ABCG1: variants seen among roughly 807,000 people sequenced by gnomAD.
ABCG1 encodes the protein ATP binding cassette subfamily G member 1.
Under a neutral mutation model 69.2 loss-of-function variants are expected in ABCG1, and 29 were observed. The ratio of observed to expected loss-of-function variants is 0.42; its 90% CI spans 0.31 to 0.57. ABCG1 has a LOEUF of 0.57. Ranked by LOEUF, ABCG1 falls within the 20% of genes least tolerant of loss-of-function variation. The pLI is 0.15. For missense variants in ABCG1, 718 were observed against 898.1 expected, an observed-to-expected ratio of 0.80 and a Z score of 2.56; for synonymous variants, 370 against 374.8, an observed-to-expected ratio of 0.99 and a Z score of 0.15.
intron 10 of ABCG1, among the ~76,000 whole-genome samples, chr21:42,289,500 C>CG: frequency 6.6e-6 from 1 of 152,038 alleles, no homozygotes; most frequent in East Asian, 1.9e-4. Context: ...AGGATTGGGA[C>CG]GGGGGGTTGG....
intron 5 of ABCG1, among the ~76,000 whole-genome samples, chr21:42,278,888 C>T (rs1391321160): frequency 1.3e-5 from 2 of 152,008 alleles, no homozygotes; most frequent in East Asian, 1.9e-4. Flanking sequence ...AGTTTTGCCA[C>T]CCCCCAGTCC....
Position 42,219,975 on chromosome 21 carries a change from C to T in ABCG1, c.42+671C>T, listed in dbSNP as rs1459167327. The T allele has an allele frequency of 2.6e-6, 4 of 1,552,438 alleles. No individual in the cohort carries two copies. The highest frequency in any genetic ancestry group is 2.0e-5 in the Admixed American group (1 of 51,182). On this transcript the variant is annotated intron_variant, in intron 1 of 14. Coordinates refer to ENST00000398449, the MANE Select transcript of ABCG1 (RefSeq NM_016818.3). The surrounding 1 kb of genome is among the most constrained non-coding windows in gnomAD (Gnocchi z 5.3). ...GAGAGACGCGGTGGGGACAGGGATG[C>T]GCATTTCACTTCCCCGAGCTCCGGA...
intron 2 of ABCG1, among the ~76,000 whole-genome samples, chr21:42,245,163 A>C (rs1371886712): frequency 6.6e-6 from 1 of 152,098 alleles, no homozygotes; most frequent in African/African-American, 2.4e-5. Flanking sequence ...GACACCCCAC[A>C]CTTTGTACCA....
At chr21:42,225,552 C>G in intron 1 of ABCG1, 119 bp from the exon 2 acceptor site, 1 of 1,275,446 alleles carries the variant, frequency 7.8e-7, no homozygotes, top group East Asian at 2.3e-5. Context: ...GGTGCTCCTG[C>G]AGTGGAAGAA....
chr21:42,250,257 G>T (rs11702801), intron 2 of ABCG1, among the ~76,000 whole-genome samples: 5 of 152,136 alleles, frequency 3.3e-5, no homozygotes, highest in Admixed American at 2.6e-4. Flanking sequence ...TTGAAGCCAT[G>T]TTCCCAGGGG....
chr21:42,275,195 C>T (rs1314690896), intron 4 of ABCG1, among the ~76,000 whole-genome samples: 1 of 152,202 alleles, frequency 6.6e-6, no homozygotes, highest in African/African-American at 2.4e-5. Flanking sequence ...CGTTTGCAGA[C>T]ACATGATCTG....
rs917413188 is a variant in ABCG1 at position 42,287,171 on chromosome 21, T to G, written c.974-718T>G. Among the ~76,000 whole-genome samples the G allele has an allele frequency of 6.6e-6, 1 of 150,568 alleles. No homozygotes were observed. Among genetic ancestry groups the G allele is most frequent in the Non-Finnish European group, 1.5e-5 (1 of 67,546 alleles). ...ACAGAGGCAGGAGAGGGCAGAGGGG[T>G]TGGGAGAAAGCAGATGTAGGCAGAG... On this transcript the variant is annotated intron_variant, in intron 8 of 14. Transcript: ENST00000398449. This position sits in a 1 kb window ranked among gnomAD's most constrained non-coding sequence, Gnocchi z 6.2.
chr21:42,278,958 C>T (rs225405), intron 5 of ABCG1, among the ~76,000 whole-genome samples: 47,103 of 151,726 alleles, frequency 0.31, 7,585 homozygotes, highest in Middle Eastern at 0.37. Flanking sequence ...GTGTGCAGGG[C>T]CCCCATGAAG....
chr21:42,286,173 T>G, intron 8 of ABCG1, 179 bp downstream of exon 8: 15 of 562,886 alleles, frequency 2.7e-5, no homozygotes, highest in Admixed American at 3.1e-5. Flanking sequence ...CTCTAGACTC[T>G]AGGTAAAATC....
chr21:42,290,577 T>C (rs942334222), intron 11 of ABCG1, among the ~76,000 whole-genome samples: 4 of 152,212 alleles, frequency 2.6e-5, no homozygotes, highest in Admixed American at 6.5e-5. Flanking sequence ...CGGGAGCAGA[T>C]AAGCTCTCTT....
chr21:42,268,388 T>TGCACGC (rs2068554853), intron 2 of ABCG1, among the ~76,000 whole-genome samples: 1 of 110,106 alleles, frequency 9.1e-6, no homozygotes, highest in African/African-American at 3.0e-5. Flanking sequence ...TGTGTGTGTG[T>TGCACGC]GCGCGCGCGC....
At chr21:42,263,670 G>A (rs2068451388) in intron 2 of ABCG1, among the ~76,000 whole-genome samples, 1 of 152,200 alleles carries the variant, frequency 6.6e-6, no homozygotes, top group African/African-American at 2.4e-5. Flanking sequence ...ACTTGGGGAG[G>A]GGTTTGTGCT....
intron 2 of ABCG1, among the ~76,000 whole-genome samples, chr21:42,226,948 C>T (rs1021935868): frequency 2.0e-5 from 3 of 152,186 alleles, no homozygotes; most frequent in Admixed American, 6.5e-5. Context: ...TCAAGACTCA[C>T]GTTTTAAATT....
intron 2 of ABCG1, among the ~76,000 whole-genome samples, chr21:42,269,730 C>T (rs550931025): frequency 2.6e-5 from 4 of 152,312 alleles, no homozygotes; most frequent in South Asian, 2.1e-4. Flanking sequence ...TGGCATTTTC[C>T]GGTGTCCTAT....
chr21:42,279,013 A>G (rs2068758669), intron 5 of ABCG1, among the ~76,000 whole-genome samples: 2 of 152,014 alleles, frequency 1.3e-5, no homozygotes, highest in Non-Finnish European at 2.9e-5. Flanking sequence ...CTCCTCCCGA[A>G]GCCTGGATGC....
chr21:42,230,928 G>C (rs1246755323), intron 2 of ABCG1, among the ~76,000 whole-genome samples: 1 of 152,246 alleles, frequency 6.6e-6, no homozygotes, highest in Non-Finnish European at 1.5e-5. Flanking sequence ...AACCAGGTCT[G>C]TGGGATTTCA....
intron 1 of ABCG1, chr21:42,201,480 C>A: frequency 1.3e-6 from 1 of 764,482 alleles, no homozygotes; most frequent in Non-Finnish European, 2.0e-6. Flanking sequence ...TGGTCTGCAG[C>A]CCAGGGGTTG....
intron 1 of ABCG1, among the ~76,000 whole-genome samples, chr21:42,200,166 G>A (rs1377061716): frequency 6.6e-6 from 1 of 152,224 alleles, no homozygotes; most frequent in Non-Finnish European, 1.5e-5. Flanking sequence ...CTGTGATGGT[G>A]TGTGCAGGGG....
chr21:42,285,835 G>C, intron 7 of ABCG1, 45 bp from the exon 8 acceptor site: 1 of 1,371,252 alleles, frequency 7.3e-7, no homozygotes, highest in African/African-American at 1.4e-5. Context: ...GTTGCCTTCC[G>C]AGGAAGGCAG....
Sources: gnomAD v4.1 joint callset for allele counts (sites outside exome capture counted in the v4.1 genomes callset) on GRCh38, gnomAD v4.1.1 for gene constraint, Gnocchi (gnomAD v3.1) non-coding constraint, MANE v1.5 for transcripts, NCBI Gene and HGNC (gene_info 2026-07-23, HGNC 2026-07-21) for gene names.